KCNQ5: variants seen among roughly 807,000 people sequenced by gnomAD.
KCNQ5 encodes potassium voltage-gated channel subfamily Q member 5.
Under a neutral mutation model 98.2 loss-of-function variants are expected in KCNQ5, and 30 were observed. The ratio of observed to expected loss-of-function variants is 0.31; its 90% CI spans 0.23 to 0.41. The LOEUF is 0.41. Among genes scored for constraint, KCNQ5 ranks in the 10% least tolerant of loss-of-function variants. KCNQ5 has a pLI of 1.00. For synonymous variants in KCNQ5, 458 were observed against 449.4 expected (o/e 1.02, Z -0.24); for missense variants, 835 against 1,182.5 (o/e 0.71, Z 4.31).
chr6:72,876,388 C>A (rs1302276486), intron 1 of KCNQ5, among the ~76,000 whole-genome samples: 5 of 152,080 alleles, frequency 3.3e-5, no homozygotes, highest in Non-Finnish European at 7.4e-5. Context: ...CTGTTTCTAG[C>A]ACTTCAAACA....
intron 1 of KCNQ5, among the ~76,000 whole-genome samples, chr6:72,786,913 G>A (rs1160980483): frequency 6.6e-6 from 1 of 150,762 alleles, no homozygotes; most frequent in East Asian, 2.0e-4. Context: ...GGCTGAGGCA[G>A]GAGAATGGCC....
chr6:72,990,310 G>C (rs1347163985), intron 1 of KCNQ5, among the ~76,000 whole-genome samples: 6 of 66,804 alleles, frequency 9.0e-5, no homozygotes, highest in African/African-American at 3.8e-4. Context: ...TCTTCCATTT[G>C]TTTGTGTCCT....
chr6:73,177,089 G>T (rs923047381), intron 11 of KCNQ5, among the ~76,000 whole-genome samples: 3 of 152,232 alleles, frequency 2.0e-5, no homozygotes, highest in Non-Finnish European at 4.4e-5. Context: ...AGTGTTTCAA[G>T]TAGGAGGCAG....
chr6:72,980,028 G>A lies in KCNQ5; in HGVS notation c.399-23880G>A, dbSNP rs997672932. On this transcript the variant is annotated intron_variant, in intron 1 of 13. Transcript: ENST00000370398. ...TCTGAGGCCTCTGTTCTGTTCCATT[G>A]GTCTCTATCTCTGTTTTGGTACCAG... Among the ~76,000 whole-genome samples the A allele has an allele frequency of 5.3e-5, 8 of 152,098 alleles. No homozygotes were observed. In the East Asian group the frequency reaches 1.3e-3, roughly 26 times the overall value.
intron 5 of KCNQ5, among the ~76,000 whole-genome samples, chr6:73,079,594 G>T (rs907487131): frequency 1.3e-5 from 2 of 152,164 alleles, no homozygotes; most frequent in Admixed American, 6.5e-5. Flanking sequence ...TTCACCTAAA[G>T]ATTCGAATTT....
At chr6:72,962,842 G>A (rs751249042) in intron 1 of KCNQ5, among the ~76,000 whole-genome samples, 4 of 152,094 alleles carry the variant, frequency 2.6e-5, no homozygotes, top group Non-Finnish European at 5.9e-5. Flanking sequence ...CCTTATGCTT[G>A]CTATTATGCA....
chr6:72,838,536 C>A (rs2150130498), intron 1 of KCNQ5, among the ~76,000 whole-genome samples: 2 of 152,074 alleles, frequency 1.3e-5, no homozygotes, highest in Middle Eastern at 3.4e-3. Flanking sequence ...AAAGAAACAC[C>A]AACACTTAAA....
At chr6:73,073,635 A>G (rs1446364576) in intron 3 of KCNQ5, among the ~76,000 whole-genome samples, 1 of 152,210 alleles carries the variant, frequency 6.6e-6, no homozygotes, top group African/African-American at 2.4e-5. Context: ...GGTCAGATGA[A>G]TGATTGAATA....
At chr6:72,892,040 T>C (rs1466658671) in intron 1 of KCNQ5, among the ~76,000 whole-genome samples, 3 of 152,178 alleles carry the variant, frequency 2.0e-5, no homozygotes, top group African/African-American at 7.2e-5. Context: ...ATTTAGAGCC[T>C]AATCCCCATG....
chr6:72,639,953 TA>T (rs920040744), intron 1 of KCNQ5, among the ~76,000 whole-genome samples: 18 of 151,248 alleles, frequency 1.2e-4, no homozygotes, highest in East Asian at 5.8e-4. Context: ...TTAGGTTGGT[TA>T]AAAAAAAAGT....
chr6:72,900,480 C>A (rs1779448609), intron 1 of KCNQ5, among the ~76,000 whole-genome samples: 1 of 135,942 alleles, frequency 7.4e-6, no homozygotes, highest in Non-Finnish European at 1.6e-5. Context: ...TATATTCCAT[C>A]ATATATATAT....
intron 11 of KCNQ5, among the ~76,000 whole-genome samples, chr6:73,188,073 C>T (rs34320997): frequency 0.031 from 4,665 of 152,282 alleles, 91 homozygotes; most frequent in East Asian, 0.068. Context: ...CTGTAGCTTG[C>T]GCCTCTTCTA....
intron 1 of KCNQ5, among the ~76,000 whole-genome samples, chr6:72,641,407 T>C (rs1272530827): frequency 6.6e-6 from 1 of 152,138 alleles, no homozygotes; most frequent in African/African-American, 2.4e-5. Context: ...GACATTCAAA[T>C]AAGCAGAAAC....
At chr6:72,893,875 G>A (rs1779149512) in intron 1 of KCNQ5, among the ~76,000 whole-genome samples, 3 of 152,148 alleles carry the variant, frequency 2.0e-5, no homozygotes, top group Admixed American at 2.0e-4. Flanking sequence ...GGGAGGCTTA[G>A]CTTTCCCAGG....
chr6:73,165,619 C>A (rs1375392829), intron 10 of KCNQ5, among the ~76,000 whole-genome samples: 1 of 152,178 alleles, frequency 6.6e-6, no homozygotes, highest in Non-Finnish European at 1.5e-5. Context: ...AAATGTAATG[C>A]AGGAGATGGG....
At chr6:72,634,389 T>C (rs1312333096) in intron 1 of KCNQ5, among the ~76,000 whole-genome samples, 1 of 152,244 alleles carries the variant, frequency 6.6e-6, no homozygotes, top group East Asian at 1.9e-4. Context: ...CTTTATTATT[T>C]GGATTATGTA....
intron 10 of KCNQ5, chr6:73,158,221 C>CA: frequency 4.8e-6 from 1 of 206,278 alleles, no homozygotes; most frequent in South Asian, 7.2e-5. Context: ...GTTGTGTGGG[C>CA]ATGGTTGCCT....
intron 2 of KCNQ5, among the ~76,000 whole-genome samples, chr6:73,018,386 T>TAC (rs1043472746): frequency 6.6e-6 from 1 of 152,056 alleles, no homozygotes; most frequent in African/African-American, 2.4e-5. Context: ...AGCTTGTCAG[T>TAC]TTGTAGAGTC....
chr6:72,997,192 C>T (rs775038715), intron 1 of KCNQ5, among the ~76,000 whole-genome samples: 2 of 152,126 alleles, frequency 1.3e-5, no homozygotes, highest in Non-Finnish European at 2.9e-5. Flanking sequence ...CAAAGGGAGA[C>T]TGAATCAGAA....
Sources: gnomAD v4.1 joint callset for allele counts (sites outside exome capture counted in the v4.1 genomes callset) on GRCh38, gnomAD v4.1.1 for gene constraint, MANE v1.5 for transcripts, NCBI Gene and HGNC (gene_info 2026-07-23, HGNC 2026-07-21) for gene names.